Variants in XPO7 observed in about 807,000 individuals in gnomAD.
XPO7 encodes the protein exportin-7.
A neutral mutation model predicts 144.3 loss-of-function variants in XPO7; 21 were observed. That is an observed-to-expected ratio of 0.15 (90% CI 0.10 to 0.21). The LOEUF (loss-of-function observed/expected upper bound fraction) is 0.21, where lower values mean the gene tolerates loss of function less well. Ranked by LOEUF, XPO7 falls within the 10% of genes least tolerant of loss-of-function variation. XPO7 has a pLI of 1.00. For synonymous variants in XPO7, 580 were observed against 499.6 expected, an observed-to-expected ratio of 1.16 and a Z score of -2.15; for missense variants, 808 against 1,325.8, an observed-to-expected ratio of 0.61 and a Z score of 6.06.
intron 20 of XPO7, among the ~76,000 whole-genome samples, chr8:21,995,280 C>T (rs1482500888): frequency 1.3e-5 from 2 of 152,080 alleles, no homozygotes; most frequent in African/African-American, 4.8e-5. Context: ...CCTATGTAAA[C>T]TAAAATGTAT....
At chr8:21,992,608 G>C (rs1020203113) in intron 19 of XPO7, among the ~76,000 whole-genome samples, 1 of 151,958 alleles carries the variant, frequency 6.6e-6, no homozygotes, top group Non-Finnish European at 1.5e-5. Context: ...GAGTACAATG[G>C]CATGATCCTA....
chr8:21,969,368 A>T, intron 2 of XPO7, 115 bp from the exon 3 acceptor site: 1 of 856,680 alleles, frequency 1.2e-6, no homozygotes, highest in Non-Finnish European at 1.8e-6. Flanking sequence ...CAGAGGATCA[A>T]ATCTGCCAAA....
intron 1 of XPO7, among the ~76,000 whole-genome samples, chr8:21,962,267 G>A (rs1401327779): frequency 6.6e-6 from 1 of 152,142 alleles, no homozygotes; most frequent in Non-Finnish European, 1.5e-5. Flanking sequence ...TGGCCACCAC[G>A]ATTGCCTTTC....
intron 1 of XPO7, among the ~76,000 whole-genome samples, chr8:21,958,961 CAA>C (rs34867010): frequency 0.58 from 71,778 of 122,710 alleles, 18,507 homozygotes; most frequent in African/African-American, 0.63. Context: ...ACTCTGTCTC[CAA>C]AAAAAAAAAA....
At chr8:21,919,869 CA>C in intron 1 of XPO7, 81 bp downstream of exon 1, 1 of 310,224 alleles carries the variant, frequency 3.2e-6, no homozygotes, top group East Asian at 5.6e-5. Context: ...CACAGGGCGC[CA>C]GCCGGCTCGG....
chr8:21,990,912 G>A lies in XPO7; in HGVS notation c.2034G>A (p.Val678=). Residue 678 remains valine (V), a synonymous_variant, in exon 18 of 28, where the codon GTG becomes GTA. Transcript: ENST00000252512. ...FYTALGRLLM[V]DLGEDEDQYE... is the part of the protein sequence containing the mutation. ...CAGCACTTGGGCGTCTCCTCATGGTGGATTTAGGTACCGTAAGAAATCGTA... is the reference window on the plus strand; with the variant it reads ...CAGCACTTGGGCGTCTCCTCATGGTAGATTTAGGTACCGTAAGAAATCGTA... 1 of 1,613,704 alleles carries A rather than the reference G, an allele frequency of 6.2e-7. No individual in the cohort carries two copies. Among genetic ancestry groups the A allele is most frequent in the Non-Finnish European group, 8.5e-7 (1 of 1,179,714 alleles).
chr8:21,994,253 A>T (rs1314975139), intron 19 of XPO7, 110 bp from the exon 20 acceptor site: 1 of 707,566 alleles, frequency 1.4e-6, no homozygotes, highest in African/African-American at 1.8e-5. Context: ...GAAGGAGTAT[A>T]TGTTGAACTG....
chr8:21,983,674 T>C (rs1812477030), intron 11 of XPO7, among the ~76,000 whole-genome samples: 1 of 152,226 alleles, frequency 6.6e-6, no homozygotes, highest in African/African-American at 2.4e-5. Context: ...GTTTGTAGGC[T>C]CTGGGGCCGG....
At chr8:22,004,448 C>G (rs1239335913) in intron 27 of XPO7, among the ~76,000 whole-genome samples, 1 of 152,110 alleles carries the variant, frequency 6.6e-6, no homozygotes, top group Non-Finnish European at 1.5e-5. Flanking sequence ...TAGGGACTTT[C>G]CAGTAACTGC....
intron 1 of XPO7, chr8:21,964,372 A>C (rs560698371): frequency 1.3e-5 from 2 of 152,344 alleles, no homozygotes; most frequent in Admixed American, 1.3e-4. Context: ...TGTTATAGCT[A>C]ATCAAATAAT....
chr8:22,004,626 G>A (rs1220681275), intron 27 of XPO7, among the ~76,000 whole-genome samples: 2 of 152,068 alleles, frequency 1.3e-5, no homozygotes, highest in East Asian at 1.9e-4. Flanking sequence ...TCAGGGGCAC[G>A]GTAGCCATAT....
At chr8:21,923,838 G>A (rs1810372684) in intron 1 of XPO7, among the ~76,000 whole-genome samples, 2 of 152,198 alleles carry the variant, frequency 1.3e-5, no homozygotes, top group South Asian at 2.1e-4. Context: ...AAAGTTGCCA[G>A]TTTAAACCAA....
chr8:22,002,396 G>C, intron 25 of XPO7, 124 bp downstream of exon 25: 1 of 1,215,744 alleles, frequency 8.2e-7, no homozygotes, highest in East Asian at 2.6e-5. Flanking sequence ...CTGAGATGAA[G>C]TCCGTGTCTT....
Position 21,971,926 on chromosome 8 carries a change from C to T in XPO7, c.477C>T (p.Thr159=). The T allele has an allele frequency of 6.2e-7, 1 of 1,613,440 alleles. No individual in the cohort carries two copies. The highest frequency in any genetic ancestry group is 1.1e-5 in the South Asian group (1 of 91,064). The change falls in exon 5 of 28, where the codon ACC becomes ACT. Residue 159 remains threonine, a synonymous_variant. Transcript: ENST00000252512. ...GTGTCACAATTTTATCTCAGCTAACCAATGAAATTAATCAAGTAAGTGCTA... is the reference window on the plus strand; with the variant it reads ...GTGTCACAATTTTATCTCAGCTAACTAATGAAATTAATCAAGTAAGTGCTA... ...IIGVTILSQL[T]NEINQADTTH...
chr8:21,942,313 C>G (rs952970881), intron 1 of XPO7, among the ~76,000 whole-genome samples: 1 of 152,082 alleles, frequency 6.6e-6, no homozygotes, highest in Non-Finnish European at 1.5e-5. Context: ...TGGCTTACAG[C>G]TAAAATATTT....
chr8:21,958,941 A>G (rs1200872668), intron 1 of XPO7, among the ~76,000 whole-genome samples: 1 of 141,318 alleles, frequency 7.1e-6, no homozygotes, highest in African/African-American at 2.8e-5. Flanking sequence ...AGCCTGGGTG[A>G]CAGAGTAAGA....
chr8:21,944,276 A>G (rs1052791057), intron 1 of XPO7, among the ~76,000 whole-genome samples: 2 of 152,204 alleles, frequency 1.3e-5, no homozygotes, highest in Non-Finnish European at 2.9e-5. Flanking sequence ...CATGCCATCA[A>G]AAATAAAAAA....
chr8:21,943,268 C>A (rs955046338), intron 1 of XPO7, among the ~76,000 whole-genome samples: 1 of 152,176 alleles, frequency 6.6e-6, no homozygotes, highest in African/African-American at 2.4e-5. Flanking sequence ...GGAATTGGCA[C>A]ACAATACGGC....
chr8:21,996,450 C>T (rs1269787191), intron 21 of XPO7, among the ~76,000 whole-genome samples: 1 of 152,156 alleles, frequency 6.6e-6, no homozygotes. Context: ...CAGATGTCTA[C>T]TCTTAGGAGA....
Sources: gnomAD v4.1 joint callset for allele counts (sites outside exome capture counted in the v4.1 genomes callset) on GRCh38, gnomAD v4.1.1 for gene constraint, MANE v1.5 for transcripts, NCBI Gene and HGNC (gene_info 2026-07-23, HGNC 2026-07-21) for gene names.